Variants in KALRN observed in about 807,000 individuals in gnomAD.
KALRN encodes the protein kalirin RhoGEF kinase.
A neutral mutation model predicts 353.7 loss-of-function variants in KALRN; 70 were observed. The observed-to-expected ratio is 0.20, with a 90% CI of 0.16 to 0.24. The LOEUF is 0.24. Ranked by LOEUF, KALRN falls within the 10% of genes least tolerant of loss-of-function variation. The pLI is 1.00. For synonymous variants in KALRN, 1,391 were observed against 1,434.8 expected, an observed-to-expected ratio of 0.97 and a Z score of 0.69; for missense variants, 2,791 against 3,756.7, an observed-to-expected ratio of 0.74 and a Z score of 6.72.
intron 1 of KALRN, among the ~76,000 whole-genome samples, chr3:124,220,682 T>C (rs1162630734): frequency 6.6e-6 from 1 of 152,174 alleles, no homozygotes; most frequent in Non-Finnish European, 1.5e-5. Context: ...TGATTCAGTT[T>C]CACATTGCAC....
chr3:124,529,674 G>T (rs1037678119), intron 33 of KALRN, among the ~76,000 whole-genome samples: 12 of 151,958 alleles, frequency 7.9e-5, no homozygotes, highest in Non-Finnish European at 1.6e-4. Flanking sequence ...AAATAATTCT[G>T]ATAAATGCCA....
chr3:124,428,561 C>G (rs1250561772), intron 15 of KALRN, among the ~76,000 whole-genome samples: 2 of 152,174 alleles, frequency 1.3e-5, no homozygotes, highest in Non-Finnish European at 2.9e-5. Context: ...AGTTCTATGT[C>G]CAGGACTGAC....
intron 23 of KALRN, among the ~76,000 whole-genome samples, chr3:124,458,352 C>T (rs1042776665): frequency 2.7e-5 from 4 of 147,096 alleles, no homozygotes; most frequent in African/African-American, 1.0e-4. Context: ...TCCTTTTTTT[C>T]CTGTTTGGTT....
intron 1 of KALRN, among the ~76,000 whole-genome samples, chr3:124,224,304 C>T (rs2078247542): frequency 6.7e-6 from 1 of 150,072 alleles, no homozygotes; most frequent in South Asian, 2.1e-4. Context: ...CTTCCCTGGG[C>T]CACATTGAAA....
Position 124,474,845 on chromosome 3 carries a change from G to A in KALRN, c.4101+113G>A, listed in dbSNP as rs935434514. On this transcript the variant is annotated intron_variant, in intron 26 of 59. Transcript: ENST00000682506. ...CTCACACAAGACCAGGGGCTACTGA[G>A]AGGGACCATGAGTAGGTCTGAGAGA... 15 of 820,562 alleles carry A rather than the reference G, an allele frequency of 1.8e-5. 1 individual carries two copies. The Admixed American group carries it at 1.9e-4, about 10-fold the overall frequency. 50.8% of individuals were successfully genotyped at this position (820,562 alleles called of 1,614,324 possible).
At chr3:124,048,545 G>T (rs1334336230) in intron 1 of KALRN, among the ~76,000 whole-genome samples, 1 of 151,378 alleles carries the variant, frequency 6.6e-6, no homozygotes, top group Non-Finnish European at 1.5e-5. Flanking sequence ...GCAGTGGTGC[G>T]ATCTCGGCTC....
chr3:124,418,254 G>T (rs1576758399), intron 14 of KALRN, among the ~76,000 whole-genome samples: 1 of 152,144 alleles, frequency 6.6e-6, no homozygotes, highest in Non-Finnish European at 1.5e-5. Flanking sequence ...TAGAACAATG[G>T]TTCTTAACCT....
At chr3:124,387,427 G>T (rs1445633) in intron 11 of KALRN, among the ~76,000 whole-genome samples, 1 of 152,014 alleles carries the variant, frequency 6.6e-6, no homozygotes, top group African/African-American at 2.4e-5. Context: ...GATAATTCTC[G>T]TTTTTTAAAA....
intron 34 of KALRN, among the ~76,000 whole-genome samples, chr3:124,603,756 T>C (rs927477298): frequency 6.6e-6 from 1 of 152,308 alleles, no homozygotes; most frequent in Non-Finnish European, 1.5e-5. Context: ...GTCTATTGGG[T>C]TCCTTTGCCT....
At chr3:124,365,554 G>A (rs1186445766) in intron 10 of KALRN, among the ~76,000 whole-genome samples, 1 of 152,164 alleles carries the variant, frequency 6.6e-6, no homozygotes, top group African/African-American at 2.4e-5. Context: ...GCTTTCTAAA[G>A]CCATGCTGAT....
chr3:124,048,763 G>A (rs367848467), intron 1 of KALRN, among the ~76,000 whole-genome samples: 5 of 152,166 alleles, frequency 3.3e-5, no homozygotes, highest in Admixed American at 2.6e-4. Flanking sequence ...GATTACAGGC[G>A]TGAGCCACCG....
chr3:124,564,837 G>A (rs2072602380), intron 34 of KALRN, among the ~76,000 whole-genome samples: 1 of 152,334 alleles, frequency 6.6e-6, no homozygotes, highest in South Asian at 2.1e-4. Context: ...GACTTGTGAA[G>A]TCCAAGTGGC....
chr3:124,254,426 A>G (rs2071625446), intron 3 of KALRN, among the ~76,000 whole-genome samples: 1 of 10,482 alleles, frequency 9.5e-5, no homozygotes, highest in African/African-American at 1.8e-4. Context: ...ATGAAGCAAA[A>G]AAAAAAAAAA....
chr3:124,674,068 C>T (rs577953013), intron 48 of KALRN, among the ~76,000 whole-genome samples: 22 of 152,190 alleles, frequency 1.4e-4, no homozygotes, highest in Middle Eastern at 3.4e-3. Flanking sequence ...TGTAAGAGAA[C>T]GCTGGCAGGA....
At chr3:124,579,322 G>T (rs1005225467) in intron 34 of KALRN, among the ~76,000 whole-genome samples, 2 of 152,188 alleles carry the variant, frequency 1.3e-5, no homozygotes. Flanking sequence ...GACATAAAGT[G>T]GTCACGTAGG....
intron 33 of KALRN, among the ~76,000 whole-genome samples, chr3:124,536,152 C>G (rs2068492045): frequency 6.7e-6 from 1 of 149,344 alleles, no homozygotes; most frequent in South Asian, 2.1e-4. Flanking sequence ...AGTAAGGGCA[C>G]GATGGACTCT....
intron 1 of KALRN, among the ~76,000 whole-genome samples, chr3:124,194,971 A>AG (rs2075288776): frequency 6.6e-6 from 1 of 152,164 alleles, no homozygotes; most frequent in Non-Finnish European, 1.5e-5. Context: ...TGGTAGGTAT[A>AG]GGGGGGATGG....
chr3:124,359,993 TG>T (rs1444722639), intron 10 of KALRN, among the ~76,000 whole-genome samples: 1 of 152,244 alleles, frequency 6.6e-6, no homozygotes, highest in Non-Finnish European at 1.5e-5. Context: ...ATGGAAGAGA[TG>T]GGTGCCTTAT....
At chr3:124,121,895 G>C (rs2064066756) in intron 1 of KALRN, among the ~76,000 whole-genome samples, 2 of 152,190 alleles carry the variant, frequency 1.3e-5, no homozygotes, top group Admixed American at 1.3e-4. Context: ...AAAAAGGACA[G>C]GATACTGTCA....
Sources: gnomAD v4.1 joint callset for allele counts (sites outside exome capture counted in the v4.1 genomes callset) on GRCh38, gnomAD v4.1.1 for gene constraint, MANE v1.5 for transcripts, NCBI Gene and HGNC (gene_info 2026-07-23, HGNC 2026-07-21) for gene names.